The following ATP8A1 variants were observed in gnomAD, a reference collection of about 807,000 sequenced individuals.
The protein encoded by ATP8A1 is phospholipid-transporting ATPase IA.
In ATP8A1, 90 loss-of-function variants were observed where a neutral mutation model predicts 177.7. The observed-to-expected ratio is 0.51, with a 90% CI of 0.43 to 0.60. ATP8A1 has a LOEUF of 0.60. Ranked by LOEUF, ATP8A1 falls within the 20% of genes least tolerant of loss-of-function variation. The pLI, the probability that ATP8A1 is intolerant of heterozygous loss-of-function variation, is 0.00. For synonymous variants in ATP8A1, 493 were observed against 485.9 expected, an observed-to-expected ratio of 1.01 and a Z score of -0.19; for missense variants, 1,072 against 1,392.8, an observed-to-expected ratio of 0.77 and a Z score of 3.67.
At chr4:42,597,020 A>C (rs1272364035) in intron 6 of ATP8A1, among the ~76,000 whole-genome samples, 1 of 152,202 alleles carries the variant, frequency 6.6e-6, no homozygotes, top group Non-Finnish European at 1.5e-5. Flanking sequence ...AACCTTTTGC[A>C]ACAGGGAAAA....
At chr4:42,619,082 T>C in intron 4 of ATP8A1, among the ~76,000 whole-genome samples, 1 of 151,830 alleles carries the variant, frequency 6.6e-6, no homozygotes, top group Non-Finnish European at 1.5e-5. Context: ...TGGAGTCTCA[T>C]TCTGTCGTCC....
intron 25 of ATP8A1, among the ~76,000 whole-genome samples, chr4:42,478,289 G>C (rs555140451): frequency 6.6e-6 from 1 of 152,192 alleles, no homozygotes; most frequent in Non-Finnish European, 1.5e-5. Context: ...CTGGGGCTGG[G>C]GGATGGCGTA....
In ATP8A1 at chr4:42,600,467, T is replaced by G; in HGVS notation, c.450+11A>C. 6.3e-7 allele frequency: 1 copy of G among 1,599,610 alleles called. No individual in the cohort carries two copies. On this transcript the variant is annotated intron_variant, in intron 6 of 36. Transcript: ENST00000381668. ...TTCTTCTCCTGGAACAAAATAAAAA[T>G]CAGTGCATACCTTTTCCCAGTGGAC...
At chr4:42,637,475 C>T (rs139575310) in intron 1 of ATP8A1, among the ~76,000 whole-genome samples, 1 of 152,292 alleles carries the variant, frequency 6.6e-6, no homozygotes, top group South Asian at 2.1e-4. Flanking sequence ...ACATTACATA[C>T]CCTTGATCAT....
chr4:42,451,086 G>T (rs965679252), intron 30 of ATP8A1, among the ~76,000 whole-genome samples: 1 of 152,132 alleles, frequency 6.6e-6, no homozygotes, highest in African/African-American at 2.4e-5. Context: ...TTTGTTCTAA[G>T]TATGCTAAAT....
chr4:42,585,963 A>G lies in ATP8A1; in HGVS notation c.722+386T>C, dbSNP rs141508246. Among the ~76,000 whole-genome samples, 457 of 152,342 alleles carry G rather than the reference A, an allele frequency of 3.0e-3. 2 individuals are homozygous for G. Among genetic ancestry groups the G allele is most frequent in the African/African-American group, 0.01 (432 of 41,578 alleles). On this transcript the variant is annotated intron_variant, in intron 9 of 36. Transcript: ENST00000381668. ...AGTCTGAACTCCTTGAAGCATCTCA[A>G]GATCACAGGAAAGGACCCAGGCCAT... is the stretch of plus-strand genomic sequence containing the variant.
At chr4:42,623,934 T>C (rs566797544) in intron 4 of ATP8A1, among the ~76,000 whole-genome samples, 2 of 152,136 alleles carry the variant, frequency 1.3e-5, no homozygotes, top group East Asian at 1.9e-4. Context: ...AAACAAAACA[T>C]TGGTTTCCTC....
chr4:42,626,089 A>C (rs1738041373), intron 2 of ATP8A1: 1 of 153,536 alleles, frequency 6.5e-6, no homozygotes, highest in Admixed American at 6.5e-5. Flanking sequence ...CCCCGAAATC[A>C]GCAATTTGAG....
chr4:42,443,699 A>G (rs764814643), intron 32 of ATP8A1, 27 bp from the exon 33 acceptor site: 2 of 1,055,724 alleles, frequency 1.9e-6, no homozygotes, highest in Non-Finnish European at 3.0e-6. Context: ...TCTGAGTCAA[A>G]AAAGTTTTAT....
At chr4:42,642,470 T>C (rs1309778377) in intron 1 of ATP8A1, among the ~76,000 whole-genome samples, 1 of 152,180 alleles carries the variant, frequency 6.6e-6, no homozygotes, top group Admixed American at 6.5e-5. Context: ...TTTGTCAGGA[T>C]GTAGCTAAAG....
chr4:42,647,049 T>C (rs1192898625), intron 1 of ATP8A1, among the ~76,000 whole-genome samples: 3 of 152,004 alleles, frequency 2.0e-5, no homozygotes, highest in Non-Finnish European at 4.4e-5. Context: ...GATTAAAAAA[T>C]TGGAAACAAA....
intron 1 of ATP8A1, among the ~76,000 whole-genome samples, chr4:42,630,370 A>G (rs1359690438): frequency 2.0e-5 from 3 of 152,298 alleles, no homozygotes; most frequent in South Asian, 2.1e-4. Context: ...ATTTACTAGT[A>G]GCTTTTAATC....
intron 16 of ATP8A1, among the ~76,000 whole-genome samples, chr4:42,552,872 G>C (rs761238637): frequency 3.9e-5 from 6 of 152,190 alleles, no homozygotes; most frequent in Non-Finnish European, 7.3e-5. Context: ...CCAGCTATTC[G>C]GGAAGCTGAG....
intron 25 of ATP8A1, among the ~76,000 whole-genome samples, chr4:42,479,747 A>G (rs971394203): frequency 6.6e-6 from 1 of 152,204 alleles, no homozygotes; most frequent in African/African-American, 2.4e-5. Flanking sequence ...ATGTTTATTC[A>G]AAGTTAGTAT....
chr4:42,435,461 A>AAAAAAACAACAAC (rs1553871738), intron 33 of ATP8A1, among the ~76,000 whole-genome samples: 1 of 122,346 alleles, frequency 8.2e-6, no homozygotes, highest in Non-Finnish European at 1.8e-5. Context: ...AAAAAAAAAA[A>AAAAAAACAACAAC]AACAAACTAT....
At chr4:42,439,691 G>A (rs570869319) in intron 33 of ATP8A1, among the ~76,000 whole-genome samples, 39 of 152,280 alleles carry the variant, frequency 2.6e-4, no homozygotes, top group African/African-American at 7.5e-4. Context: ...TCTATAGAGA[G>A]GAAATGGCAG....
intron 15 of ATP8A1, among the ~76,000 whole-genome samples, chr4:42,563,149 A>G (rs1731011488): frequency 6.6e-6 from 1 of 152,226 alleles, no homozygotes; most frequent in Admixed American, 6.5e-5. Flanking sequence ...GACTTTGACT[A>G]AAGCCTGATA....
intron 20 of ATP8A1, among the ~76,000 whole-genome samples, chr4:42,540,470 C>A (rs1196330375): frequency 6.6e-6 from 1 of 151,804 alleles, no homozygotes; most frequent in African/African-American, 2.4e-5. Context: ...AAGGGGATAC[C>A]TGCACTCACA....
chr4:42,607,377 T>A (rs55754203), intron 5 of ATP8A1, among the ~76,000 whole-genome samples: 34,185 of 152,092 alleles, frequency 0.22, 4,313 homozygotes, highest in Non-Finnish European at 0.29. Flanking sequence ...CCAAGGAAAC[T>A]AGTCAATCCT....
Sources: gnomAD v4.1 joint callset for allele counts (sites outside exome capture counted in the v4.1 genomes callset) on GRCh38, gnomAD v4.1.1 for gene constraint, MANE v1.5 for transcripts, NCBI Gene and HGNC (gene_info 2026-07-23, HGNC 2026-07-21) for gene names.